Variants in PAN3 observed in about 807,000 individuals in gnomAD.
PAN3 encodes the protein PAN2-PAN3 deadenylation complex subunit PAN3.
Under a neutral mutation model 96.2 loss-of-function variants are expected in PAN3, and 19 were observed. That is an observed-to-expected ratio of 0.20 (90% confidence interval 0.14 to 0.29). The LOEUF is 0.29. Ranked by LOEUF, PAN3 falls within the 10% of genes least tolerant of loss-of-function variation. The pLI, the probability that PAN3 is intolerant of heterozygous loss-of-function variation, is 1.00. For missense variants in PAN3, 882 were observed against 1,108.1 expected (o/e 0.80, Z 2.90); for synonymous variants, 433 against 406.6 (o/e 1.06, Z -0.78).
chr13:28,227,197 A>G (rs1882097211), intron 6 of PAN3, among the ~76,000 whole-genome samples: 1 of 152,190 alleles, frequency 6.6e-6, no homozygotes, highest in Admixed American at 6.5e-5. Flanking sequence ...CGAGACGTTT[A>G]TGGCGCAGAG....
intron 14 of PAN3, among the ~76,000 whole-genome samples, chr13:28,275,942 T>C (rs529730542): frequency 3.3e-5 from 5 of 152,194 alleles, no homozygotes; most frequent in Non-Finnish European, 7.3e-5. Context: ...GTATGAACTT[T>C]TAAATGTTAT....
At chr13:28,238,384 G>A (rs553982693) in intron 6 of PAN3, among the ~76,000 whole-genome samples, 3 of 152,226 alleles carry the variant, frequency 2.0e-5, no homozygotes, top group African/African-American at 7.2e-5. Context: ...GAATCAATAA[G>A]GCATTAAAAA....
At chr13:28,177,163 C>T (rs1875128044) in intron 3 of PAN3, among the ~76,000 whole-genome samples, 1 of 152,062 alleles carries the variant, frequency 6.6e-6, no homozygotes, top group Non-Finnish European at 1.5e-5. Flanking sequence ...GTATATCTCA[C>T]ACATGCCTTT....
chr13:28,214,501 T>A (rs769827966), intron 5 of PAN3: 7 of 256,258 alleles, frequency 2.7e-5, no homozygotes, highest in Non-Finnish European at 5.3e-5. Flanking sequence ...TCATGAAAAC[T>A]ACCCCTAACA....
intron 5 of PAN3, chr13:28,214,469 G>A (rs899356343): frequency 4.4e-6 from 1 of 224,860 alleles, no homozygotes; most frequent in Non-Finnish European, 8.8e-6. Flanking sequence ...TTTGCAACGA[G>A]TTTGCCACCA....
chr13:28,170,561 GA>G (rs889449300), intron 1 of PAN3, among the ~76,000 whole-genome samples: 2 of 152,124 alleles, frequency 1.3e-5, no homozygotes, highest in Admixed American at 6.5e-5. Flanking sequence ...CCTTTGAAGT[GA>G]AAAGCATTTA....
chr13:28,138,452 C>G, upstream of PAN3: 1 of 276,862 alleles, frequency 3.6e-6, no homozygotes. Flanking sequence ...TCCCAACTCT[C>G]CCCCTACCCT....
intron 1 of PAN3, among the ~76,000 whole-genome samples, chr13:28,156,739 G>A (rs1872217864): frequency 6.6e-6 from 1 of 152,164 alleles, no homozygotes; most frequent in Admixed American, 6.5e-5. Flanking sequence ...TAGGCCTGTA[G>A]TCTCAGCACT....
intron 9 of PAN3, 144 bp from the exon 10 acceptor site, chr13:28,266,571 G>A (rs1054916108): frequency 1.1e-5 from 6 of 538,308 alleles, no homozygotes; most frequent in Non-Finnish European, 1.8e-5. Context: ...TTATGGAATT[G>A]TAATAAATGT....
chr13:28,190,188 G>A lies in PAN3; in HGVS notation c.691-6997G>A, dbSNP rs146099588. Reference sequence around the variant, plus strand: ...TGGAACTCCTGACCTCAGGTGATCCGCCCGCGTCGGCCTCCCAAAGTGCTG... The same window carrying A: ...TGGAACTCCTGACCTCAGGTGATCCACCCGCGTCGGCCTCCCAAAGTGCTG... On this transcript the variant is annotated intron_variant, in intron 4 of 18. Coordinates refer to ENST00000380958, the MANE Select transcript of PAN3 (RefSeq NM_175854.8). Among the ~76,000 whole-genome samples the A allele has an allele frequency of 6.6e-5, 10 of 152,188 alleles. No homozygotes were observed. The East Asian group carries it at 1.5e-3, about 24-fold the overall frequency.
intron 5 of PAN3, among the ~76,000 whole-genome samples, chr13:28,212,357 G>A (rs1284421884): frequency 6.6e-6 from 1 of 152,144 alleles, no homozygotes. Context: ...TAATTTGTAA[G>A]CAGTTTAGCT....
chr13:28,217,412 C>A (rs116288684), intron 5 of PAN3, among the ~76,000 whole-genome samples: 1,549 of 151,900 alleles, frequency 0.01, 23 homozygotes, highest in African/African-American at 0.035. Flanking sequence ...TGAAACATTG[C>A]CTCTACCAAA....
chr13:28,275,627 A>G (rs1345903870), intron 14 of PAN3, among the ~76,000 whole-genome samples: 1 of 152,192 alleles, frequency 6.6e-6, no homozygotes, highest in Admixed American at 6.5e-5. Context: ...AATTTCATGA[A>G]TATAACTTGG....
Position 28,197,295 on chromosome 13 carries a change from A to AG in PAN3, c.802dup (p.Val268GlyfsTer29). ...GCCTTGCTGACAGGTGTAAATCAGG[A>AG]GTACCCATCAATATGGTTTGGTGGA... is the stretch of plus-strand genomic sequence containing the variant. On this transcript the variant is annotated frameshift_variant, in exon 5 of 19. Transcript: ENST00000380958. LOFTEE classifies it high-confidence loss of function. 6.2e-7 allele frequency: 1 copy of AG among 1,611,960 alleles called. No homozygotes were observed. Among genetic ancestry groups the AG allele is most frequent in the Non-Finnish European group, 8.5e-7 (1 of 1,178,962 alleles).
intron 6 of PAN3, among the ~76,000 whole-genome samples, chr13:28,237,907 G>A (rs1883256582): frequency 6.6e-6 from 1 of 152,154 alleles, no homozygotes; most frequent in South Asian, 2.1e-4. Flanking sequence ...GCTTTACCTT[G>A]AGGTCTGCAT....
At chr13:28,168,830 A>T (rs2138069194) in intron 1 of PAN3, among the ~76,000 whole-genome samples, 1 of 152,206 alleles carries the variant, frequency 6.6e-6, no homozygotes, top group African/African-American at 2.4e-5. Context: ...CATCCTGGCT[A>T]ACATGGTGAA....
chr13:28,158,556 TATACTC>T (rs1203214452), intron 1 of PAN3, among the ~76,000 whole-genome samples: 1 of 152,138 alleles, frequency 6.6e-6, no homozygotes, highest in African/African-American at 2.4e-5. Flanking sequence ...GAAGAAGACA[TATACTC>T]AGCCAATGAG....
intron 6 of PAN3, among the ~76,000 whole-genome samples, chr13:28,221,319 A>G (rs1431371610): frequency 1.3e-5 from 2 of 151,074 alleles, no homozygotes; most frequent in Admixed American, 1.3e-4. Context: ...GAACCTATAC[A>G]GGAAAATCAT....
At chr13:28,226,139 T>G (rs997437191) in intron 6 of PAN3, among the ~76,000 whole-genome samples, 2 of 152,200 alleles carry the variant, frequency 1.3e-5, no homozygotes, top group African/African-American at 4.8e-5. Context: ...CATTGTGCGT[T>G]TTAGGGCTCT....
Sources: allele counts gnomAD v4.1 joint callset (sites outside exome capture counted in the v4.1 genomes callset), GRCh38; gene constraint gnomAD v4.1.1; transcripts MANE v1.5; gene names NCBI Gene and HGNC (gene_info 2026-07-23, HGNC 2026-07-21).